Variants in TSHZ1 observed in about 807,000 individuals in gnomAD.
The protein encoded by TSHZ1 is teashirt homolog 1.
Under a neutral mutation model 67.1 loss-of-function variants are expected in TSHZ1, and 12 were observed. The ratio of observed to expected loss-of-function variants is 0.18; its 90% CI spans 0.11 to 0.29. The LOEUF (loss-of-function observed/expected upper bound fraction) is 0.29. Ranked by LOEUF, TSHZ1 falls within the 10% of genes least tolerant of loss-of-function variation. The pLI is 1.00. For synonymous variants in TSHZ1, 632 were observed against 622.4 expected (o/e 1.02, Z -0.23); for missense variants, 1,305 against 1,413.9 (o/e 0.92, Z 1.23).
intron 1 of TSHZ1, among the ~76,000 whole-genome samples, chr18:75,272,981 A>G (rs1463123542): frequency 6.6e-6 from 1 of 152,222 alleles, no homozygotes; most frequent in African/African-American, 2.4e-5. Flanking sequence ...TATGAAGGGG[A>G]CACACCTTCT....
chr18:75,240,135 A>G lies in TSHZ1; in HGVS notation c.40+28219A>G, dbSNP rs191508591. On this transcript the variant is annotated intron_variant, in intron 1 of 1. Transcript: ENST00000580243. The stretch of plus-strand genomic sequence containing the variant: ...TTAGGGAATATAAATATCCTTGGAG[A>G]GTTTAACGTTTTAAGAAGTCAATTA... Among the ~76,000 whole-genome samples, 18 of 152,318 alleles carry G rather than the reference A, an allele frequency of 1.2e-4. No individual in the cohort carries two copies. The East Asian group carries it at 3.5e-3, about 29-fold the overall frequency.
At chr18:75,218,151 C>A (rs2122514602) in intron 1 of TSHZ1, among the ~76,000 whole-genome samples, 1 of 152,138 alleles carries the variant, frequency 6.6e-6, no homozygotes, top group African/African-American at 2.4e-5. Flanking sequence ...TAGATTAGAG[C>A]AAAGGAAAAA....
chr18:75,214,241 C>T (rs1568350281), intron 1 of TSHZ1, among the ~76,000 whole-genome samples: 1 of 152,176 alleles, frequency 6.6e-6, no homozygotes, highest in Non-Finnish European at 1.5e-5. Context: ...CGTTGGTTCA[C>T]ACTTGCTTAT....
At chr18:75,230,819 T>C (rs2022988620) in intron 1 of TSHZ1, among the ~76,000 whole-genome samples, 1 of 152,174 alleles carries the variant, frequency 6.6e-6, no homozygotes, top group South Asian at 2.1e-4. Context: ...TGTGGAAAAT[T>C]ACTTGACTGG....
chr18:75,222,736 ATT>A (rs941883310), intron 1 of TSHZ1, among the ~76,000 whole-genome samples: 7 of 152,016 alleles, frequency 4.6e-5, no homozygotes, highest in African/African-American at 1.7e-4. Context: ...CCACCCCCCT[ATT>A]TTTTGTGGAG....
chr18:75,258,943 A>T (rs1283634564), intron 1 of TSHZ1, among the ~76,000 whole-genome samples: 6 of 152,220 alleles, frequency 3.9e-5, no homozygotes, highest in Non-Finnish European at 5.9e-5. Context: ...AAATAGTAAT[A>T]CAAAGTTATA....
chr18:75,245,836 T>A (rs1340901755), intron 1 of TSHZ1, among the ~76,000 whole-genome samples: 1 of 152,234 alleles, frequency 6.6e-6, no homozygotes, highest in Non-Finnish European at 1.5e-5. Context: ...TAACAAAAGA[T>A]GCCAAGTTCT....
At chr18:75,265,660 T>A (rs2122587813) in intron 1 of TSHZ1, among the ~76,000 whole-genome samples, 1 of 152,314 alleles carries the variant, frequency 6.6e-6, no homozygotes, top group African/African-American at 2.4e-5. Context: ...ACATAAAATT[T>A]AATATTGGGG....
At chr18:75,244,941 C>A (rs1266916401) in intron 1 of TSHZ1, among the ~76,000 whole-genome samples, 1 of 152,102 alleles carries the variant, frequency 6.6e-6, no homozygotes, top group Non-Finnish European at 1.5e-5. Context: ...TTCTCTCTCT[C>A]CTCTCTTTCT....
intron 1 of TSHZ1, among the ~76,000 whole-genome samples, chr18:75,282,054 G>T (rs540112817): frequency 6.6e-6 from 1 of 152,122 alleles, no homozygotes; most frequent in African/African-American, 2.4e-5. Flanking sequence ...GGACATCTGC[G>T]CAAGGAAATG....
intron 1 of TSHZ1, among the ~76,000 whole-genome samples, chr18:75,259,985 A>G (rs1242372583): frequency 6.6e-6 from 1 of 152,244 alleles, no homozygotes; most frequent in Non-Finnish European, 1.5e-5. Flanking sequence ...GTGATGTCCC[A>G]GCTCCATGCA....
chr18:75,250,429 A>G (rs578260980), intron 1 of TSHZ1, among the ~76,000 whole-genome samples: 2 of 152,282 alleles, frequency 1.3e-5, no homozygotes, highest in African/African-American at 4.8e-5. Flanking sequence ...TGTAGCTGGC[A>G]GGCGGCCTGT....
intron 1 of TSHZ1, among the ~76,000 whole-genome samples, chr18:75,267,552 C>T (rs1476256322): frequency 6.6e-6 from 1 of 152,108 alleles, no homozygotes; most frequent in Non-Finnish European, 1.5e-5. Flanking sequence ...TAGGAGGAGA[C>T]ATTAGGAGGA....
rs772126016 is a variant in TSHZ1 at position 75,287,279 on chromosome 18, A to T, written c.1872A>T (p.Pro624=). Residue 624 remains proline (P), a synonymous_variant, in exon 2 of 2, where the codon CCA becomes CCT. Coordinates refer to ENST00000580243, the MANE Select transcript of TSHZ1 (RefSeq NM_001308210.2). This position sits in a 1 kb window ranked among gnomAD's most constrained non-coding sequence, Gnocchi z 5.0. The part of the protein sequence containing the change: ...SAEHNALLHS[P]GSLTPPPHKS... ...AGCACAACGCCCTCCTGCACTCCCC[A>T]GGGAGCCTCACGCCCCCACCGCACA... is the stretch of plus-strand genomic sequence containing the variant. 1 of 1,613,992 alleles carries T rather than the reference A, an allele frequency of 6.2e-7. No homozygotes were observed. The highest frequency in any genetic ancestry group is 8.5e-7 in the Non-Finnish European group (1 of 1,179,980).
intron 1 of TSHZ1, among the ~76,000 whole-genome samples, chr18:75,218,041 A>G (rs1318837856): frequency 6.6e-6 from 1 of 152,206 alleles, no homozygotes; most frequent in Non-Finnish European, 1.5e-5. Context: ...CTTTATGTGT[A>G]AGATGTGCAC....
chr18:75,240,260 C>T (rs1183166907), intron 1 of TSHZ1, among the ~76,000 whole-genome samples: 17 of 152,168 alleles, frequency 1.1e-4, no homozygotes. Flanking sequence ...GTTTTAGGAT[C>T]TCAATTTCTG....
At chr18:75,263,831 G>T (rs1325280225) in intron 1 of TSHZ1, among the ~76,000 whole-genome samples, 2 of 152,222 alleles carry the variant, frequency 1.3e-5, no homozygotes, top group Non-Finnish European at 2.9e-5. Flanking sequence ...TGTGTTTTGA[G>T]TTTGGAGGGG....
intron 1 of TSHZ1, among the ~76,000 whole-genome samples, chr18:75,266,009 C>T (rs2023486445): frequency 6.6e-6 from 1 of 152,184 alleles, no homozygotes; most frequent in Non-Finnish European, 1.5e-5. Context: ...CAAATGGTAT[C>T]AACATTGTAT....
chr18:75,235,464 C>G (rs1004598754), intron 1 of TSHZ1, among the ~76,000 whole-genome samples: 1 of 152,090 alleles, frequency 6.6e-6, no homozygotes, highest in Non-Finnish European at 1.5e-5. Flanking sequence ...TACCTGGGAC[C>G]GATTCCTACC....
Sources: gnomAD v4.1 joint callset for allele counts (sites outside exome capture counted in the v4.1 genomes callset) on GRCh38, gnomAD v4.1.1 for gene constraint, Gnocchi (gnomAD v3.1) non-coding constraint, MANE v1.5 for transcripts, NCBI Gene and HGNC (gene_info 2026-07-23, HGNC 2026-07-21) for gene names.